OCSTAMP: variants seen among roughly 807,000 people sequenced by gnomAD.
The protein encoded by OCSTAMP is osteoclast stimulatory transmembrane protein, also known as transmembrane protein C20orf123.
Under a neutral mutation model 25.2 loss-of-function variants are expected in OCSTAMP, and 17 were observed. That is an observed-to-expected ratio of 0.68 (90% CI 0.46 to 1.01). The LOEUF (loss-of-function observed/expected upper bound fraction) is 1.01. OCSTAMP is among the 50% of genes least tolerant of loss of function. The pLI, the probability that OCSTAMP is intolerant of heterozygous loss-of-function variation, is 0.00. For synonymous variants in OCSTAMP, 345 were observed against 318.9 expected, an observed-to-expected ratio of 1.08 and a Z score of -0.87; for missense variants, 664 against 694.6, an observed-to-expected ratio of 0.96 and a Z score of 0.50.
intron 1 of OCSTAMP, 62 bp downstream of exon 1, chr20:46,550,455 A>T: frequency 7.0e-7 from 1 of 1,432,824 alleles, no homozygotes. Context: ...CATATCCATC[A>T]CCCCCAATGG....
In OCSTAMP at chr20:46,550,601, C is replaced by A. The variant is rs1190462136; in HGVS notation, c.-41G>T. ...GTGGTTTCAGGCGGGCGGTCGCTGG[C>A]AGCTGTGGCAGGTGGAGAGGAAGTG... On this transcript the variant is annotated 5_prime_UTR_variant, in exon 1 of 3. Transcript: ENST00000279028. 5 of 1,546,546 alleles carry A rather than the reference C, an allele frequency of 3.2e-6. No individual in the cohort carries two copies. The highest frequency in any genetic ancestry group is 4.4e-6 in the Non-Finnish European group (5 of 1,142,480).
chr20:46,549,890 T>C (rs891872800), intron 1 of OCSTAMP, among the ~76,000 whole-genome samples: 1 of 151,016 alleles, frequency 6.6e-6, no homozygotes, highest in African/African-American at 2.4e-5. Context: ...CCAGCTTTTC[T>C]TGAGAGATAA....
In OCSTAMP at chr20:46,545,597, G is replaced by A; in HGVS notation, c.777C>T (p.Ala259=). 1.3e-6 allele frequency: 2 copies of A among 1,551,690 alleles called. No individual in the cohort carries two copies. The highest frequency in any genetic ancestry group is 1.2e-5 in the South Asian group (1 of 84,068). ...LTDLRFDNIY[A]TQQLTQRLAQ... is the part of the protein sequence containing the mutation. ...CCAACCGCTGGGTCAGCTGTTGAGTGGCGTAGATATTGTCAAACCGCAGGT... is the reference window on the plus strand; with the variant it reads ...CCAACCGCTGGGTCAGCTGTTGAGTAGCGTAGATATTGTCAAACCGCAGGT... Residue 259 remains alanine, a synonymous_variant, in exon 2 of 3, where the codon GCC becomes GCT. Transcript: ENST00000279028.
chr20:46,546,047 G>T lies in OCSTAMP; in HGVS notation c.327C>A (p.Ser109Arg). Reference protein sequence around the residue: ...VPPVRCLFALSVPTLGMEQGR... With the variant: ...VPPVRCLFALRVPTLGMEQGR... ...CCTGCTCCATACCCAGGGTGGGCAC[G>T]CTGAGTGCAAACAGGCAGCGGACTG... Residue 109 changes from serine to arginine, a missense_variant, in exon 2 of 3, where the codon AGC becomes AGA. Transcript: ENST00000279028. The T allele has an allele frequency of 1.9e-6, 3 of 1,551,550 alleles. No homozygotes were observed. The highest frequency in any genetic ancestry group is 2.6e-6 in the Non-Finnish European group (3 of 1,146,996).
Position 46,541,609 on chromosome 20 carries a change from G to A in OCSTAMP, c.1366C>T (p.His456Tyr). The change falls in exon 3 of 3, where the codon CAC (histidine) becomes TAC (tyrosine). Residue 456 changes from histidine to tyrosine, a missense_variant. His to Tyr is a moderately conservative substitution (Grantham distance 83). Transcript: ENST00000279028. ...HARLQRRHDR[H>Y]QGQQLPLGDP... ...CCTAGGGGCAGCTGCTGGCCTTGGT[G>A]CCTGTCGTGTCTTCGCTGGAGCCGG... is the stretch of plus-strand genomic sequence containing the variant. The A allele has an allele frequency of 6.4e-7, 1 of 1,551,568 alleles. No individual in the cohort carries two copies. The highest frequency in any genetic ancestry group is 1.2e-5 in the South Asian group (1 of 84,068).
Position 46,545,696 on chromosome 20 carries a change from C to T in OCSTAMP, c.678G>A (p.Gln226=), listed in dbSNP as rs1363853682. 2.6e-6 allele frequency: 4 copies of T among 1,551,550 alleles called. No homozygotes were observed. The African/African-American group carries it at 4.1e-5, about 16-fold the overall frequency. The change falls in exon 2 of 3, where the codon CAG becomes CAA. Residue 226 remains glutamine (Q), a synonymous_variant. Transcript: ENST00000279028. ...ACATAAACAGCCCTGTGACCACTCGCTGGGTCCCTAGCGCTGCTGCCCGGG... is the reference window on the plus strand; with the variant it reads ...ACATAAACAGCCCTGTGACCACTCGTTGGGTCCCTAGCGCTGCTGCCCGGG... ...SLARAAALGT[Q]RVVTGLFMLG...
chr20:46,546,154 G>A lies in OCSTAMP; in HGVS notation c.220C>T (p.Leu74=). 6.4e-7 allele frequency: 1 copy of A among 1,551,790 alleles called. No individual in the cohort carries two copies. Among genetic ancestry groups the A allele is most frequent in the Admixed American group, 2.0e-5 (1 of 51,010 alleles). ...GLVYHWLASL[L]LYPPGPSAMV... ...GCTGAAGGTCCAGGAGGATAAAGCA[G>A]CAAGGATGCCAGCCAGTGATAAACC... The change falls in exon 2 of 3, where the codon CTG becomes TTG. Residue 74 remains leucine, a synonymous_variant. Coordinates refer to ENST00000279028, the MANE Select transcript of OCSTAMP (RefSeq NM_080721.3).
chr20:46,541,919 G>A lies in OCSTAMP; in HGVS notation c.1056C>T (p.Tyr352=), dbSNP rs1431264757. 3 of 1,429,984 alleles carry A rather than the reference G, an allele frequency of 2.1e-6. No homozygotes were observed. Among genetic ancestry groups the A allele is most frequent in the South Asian group, 1.6e-5 (1 of 64,192 alleles). The allele number at this position is 1,429,984 out of a possible 1,614,324, so 88.6% of individuals were successfully genotyped here. A position where few individuals can be genotyped will look rare whatever the true frequency, so the allele number is the denominator to read the frequency against. ...GGAAAGGGATGAAGCCCAGGACAGT[G>A]TATGCCACCTTGGGAAAGGAGAAAA... ...ITLTVKYDVA[Y]TVLGFIPFLF... is the part of the protein sequence containing the mutation. Residue 352 remains tyrosine, a synonymous_variant, in exon 3 of 3, where the codon TAC becomes TAT. Transcript: ENST00000279028.
At chr20:46,545,175 A>G (rs536581410) in intron 2 of OCSTAMP, among the ~76,000 whole-genome samples, 152 bp downstream of exon 2, 2 of 152,290 alleles carry the variant, frequency 1.3e-5, no homozygotes, top group African/African-American at 4.8e-5. Context: ...GTATCCGATG[A>G]GTCCCTCTGC....
chr20:46,541,697 C>A lies in OCSTAMP; in HGVS notation c.1278G>T (p.Arg426=). 6.5e-7 allele frequency: 1 copy of A among 1,549,356 alleles called. No individual in the cohort carries two copies. The highest frequency in any genetic ancestry group is 8.7e-7 in the Non-Finnish European group (1 of 1,146,846). ...TGAAGAAGGAAGCGGCGATGGCATG[C>A]CGCAGGCGGCGGGCGTAGGCCTCCA... ...VLLEAYARRL[R]HAIAASFFTA... Residue 426 remains arginine (R), a synonymous_variant, in exon 3 of 3, where the codon CGG becomes CGT. Coordinates refer to ENST00000279028, the MANE Select transcript of OCSTAMP (RefSeq NM_080721.3).
chr20:46,549,392 T>C (rs1449348514), intron 1 of OCSTAMP, among the ~76,000 whole-genome samples: 1 of 152,202 alleles, frequency 6.6e-6, no homozygotes, highest in South Asian at 2.1e-4. Context: ...TAAGTCCTGG[T>C]CCCACTAAAG....
chr20:46,544,036 C>T (rs1473672952), intron 2 of OCSTAMP, among the ~76,000 whole-genome samples: 1 of 152,082 alleles, frequency 6.6e-6, no homozygotes, highest in Non-Finnish European at 1.5e-5. Flanking sequence ...TAGTGGGACA[C>T]CATCTCTAAA....
chr20:46,543,536 T>A (rs1343518637), intron 2 of OCSTAMP, among the ~76,000 whole-genome samples: 1 of 151,992 alleles, frequency 6.6e-6, no homozygotes, highest in Non-Finnish European at 1.5e-5. Context: ...ACCATGTTGT[T>A]GGCCAGGCTG....
At position 46,542,574 on chromosome 20, in the gene OCSTAMP, C is replaced by CAAAAAAAAAAAAAAAAAAAAAA. The variant is rs3092597; in HGVS notation, c.1048-648_1048-647insTTTTTTTTTTTTTTTTTTTTTT. On this transcript the variant is annotated intron_variant, in intron 2 of 2. Coordinates refer to ENST00000279028, the MANE Select transcript of OCSTAMP (RefSeq NM_080721.3). The stretch of plus-strand genomic sequence containing the variant: ...TGGGCAACACAGCAAGACTCTGTCT[C>CAAAAAAAAAAAAAAAAAAAAAA]AAAAAAAAAAAAAAGATGGGAAGCC... Among the ~76,000 whole-genome samples, 25 of 100,354 alleles carry CAAAAAAAAAAAAAAAAAAAAAA rather than the reference C, an allele frequency of 2.5e-4. 2 individuals carry two copies. Among genetic ancestry groups the CAAAAAAAAAAAAAAAAAAAAAA allele is most frequent in the African/African-American group, 1.3e-3 (25 of 19,998 alleles). The allele number at this position is 100,354 out of a possible 152,430, so 65.8% of individuals were successfully genotyped here.
At chr20:46,543,314 C>CTTTT (rs2061841524) in intron 2 of OCSTAMP, among the ~76,000 whole-genome samples, 2 of 131,262 alleles carry the variant, frequency 1.5e-5, no homozygotes, top group Non-Finnish European at 3.3e-5. Context: ...TCCTTTCTTT[C>CTTTT]TTTCTTTCTT....
At chr20:46,543,305 C>CCTTCCTTCCTTCCTTTCTTTCTTTCTTT (rs1555872066) in intron 2 of OCSTAMP, among the ~76,000 whole-genome samples, 2 of 128,374 alleles carry the variant, frequency 1.6e-5, no homozygotes, top group Non-Finnish European at 3.1e-5. Flanking sequence ...CTTTCTCTTT[C>CCTTCCTTCCTTCCTTTCTTTCTTTCTTT]CTTTCTTTCT....
In OCSTAMP at chr20:46,541,889, G is replaced by A. The variant is rs781750227; in HGVS notation, c.1086C>T (p.Phe362=). ...YTVLGFIPFL[F]NQLAPESPFL... ...AGGGGCTCTCCGGAGCCAGCTGGTT[G>A]AAGAGGAAAGGGATGAAGCCCAGGA... Residue 362 remains phenylalanine, a synonymous_variant, in exon 3 of 3, where the codon TTC becomes TTT. Transcript: ENST00000279028. 1 of 1,462,072 alleles carries A rather than the reference G, an allele frequency of 6.8e-7. No homozygotes were observed. The highest frequency in any genetic ancestry group is 1.4e-5 in the African/African-American group (1 of 69,192). The allele number at this position is 1,462,072 out of a possible 1,614,324, so 90.6% of individuals were successfully genotyped here.
At chr20:46,543,623 T>A (rs80198517) in intron 2 of OCSTAMP, among the ~76,000 whole-genome samples, 1,532 of 152,208 alleles carry the variant, frequency 0.01, 25 homozygotes, top group East Asian at 0.08. Flanking sequence ...GGCATGAGCC[T>A]CCATGCCCAG....
chr20:46,550,600 G>A lies in OCSTAMP; in HGVS notation c.-40C>T, dbSNP rs181519826. ...AGTGGTTTCAGGCGGGCGGTCGCTGGCAGCTGTGGCAGGTGGAGAGGAAGT... is the reference window on the plus strand; with the variant it reads ...AGTGGTTTCAGGCGGGCGGTCGCTGACAGCTGTGGCAGGTGGAGAGGAAGT... On this transcript the variant is annotated 5_prime_UTR_variant, in exon 1 of 3. Coordinates refer to ENST00000279028, the MANE Select transcript of OCSTAMP (RefSeq NM_080721.3). 3.9e-6 allele frequency: 6 copies of A among 1,546,508 alleles called. No individual in the cohort carries two copies. In the East Asian group the frequency reaches 1.2e-4, roughly 32 times the overall value.
Sources: allele counts gnomAD v4.1 joint callset (sites outside exome capture counted in the v4.1 genomes callset), GRCh38; gene constraint gnomAD v4.1.1; transcripts MANE v1.5; gene names NCBI Gene and HGNC (gene_info 2026-07-23, HGNC 2026-07-21).